The following UNC13C variants were observed in gnomAD, a reference collection of about 807,000 sequenced individuals.
UNC13C encodes protein unc-13 homolog C.
UNC13C carries 174 observed loss-of-function variants against 245.4 expected under a neutral mutation model. That is an observed-to-expected ratio of 0.71 (90% CI 0.63 to 0.80). UNC13C has a LOEUF of 0.80. Ranked by LOEUF, UNC13C falls within the 30% of genes least tolerant of loss-of-function variation. The pLI is 0.00. For missense variants in UNC13C, 2,829 were observed against 2,602.9 expected (o/e 1.09, Z -1.89); for synonymous variants, 992 against 895.1 (o/e 1.11, Z -1.93).
chr15:54,460,262 C>T (rs1891763108), intron 19 of UNC13C, among the ~76,000 whole-genome samples: 1 of 152,196 alleles, frequency 6.6e-6, no homozygotes, highest in Admixed American at 6.5e-5. Flanking sequence ...TGTCTCCCAG[C>T]CATGGATACC....
intron 19 of UNC13C, among the ~76,000 whole-genome samples, chr15:54,452,604 G>C (rs1323454187): frequency 6.6e-6 from 1 of 152,222 alleles, no homozygotes; most frequent in African/African-American, 2.4e-5. Context: ...GAGAAAGCCA[G>C]GTTGGGAAAA....
At chr15:54,011,960 C>G (rs1204671278) in intron 1 of UNC13C, among the ~76,000 whole-genome samples, 2 of 152,140 alleles carry the variant, frequency 1.3e-5, no homozygotes, top group Non-Finnish European at 2.9e-5. Context: ...ACTGGAATAC[C>G]AACAAAGCCT....
chr15:54,602,233 G>A (rs150584094), intron 30 of UNC13C, among the ~76,000 whole-genome samples: 5 of 152,260 alleles, frequency 3.3e-5, no homozygotes, highest in South Asian at 2.1e-4. Flanking sequence ...ACTTTATTTC[G>A]GAAACAATTT....
At chr15:54,125,025 T>C (rs1187408281) in intron 2 of UNC13C, among the ~76,000 whole-genome samples, 1 of 152,158 alleles carries the variant, frequency 6.6e-6, no homozygotes, top group Non-Finnish European at 1.5e-5. Context: ...TACAACACAG[T>C]CTTGGTTGCT....
chr15:54,232,128 T>A (rs2035569692), intron 4 of UNC13C, among the ~76,000 whole-genome samples: 1 of 152,134 alleles, frequency 6.6e-6, no homozygotes, highest in Admixed American at 6.5e-5. Context: ...TTTATATTAT[T>A]ACTTGATGGA....
chr15:54,562,084 A>C (rs1897317506), intron 29 of UNC13C, among the ~76,000 whole-genome samples: 1 of 151,984 alleles, frequency 6.6e-6, no homozygotes, highest in Non-Finnish European at 1.5e-5. Flanking sequence ...AATGGCAGGA[A>C]TGTGGAAATC....
chr15:54,379,759 C>G (rs868190511), intron 17 of UNC13C, among the ~76,000 whole-genome samples: 7 of 152,152 alleles, frequency 4.6e-5, no homozygotes, highest in African/African-American at 1.4e-4. Context: ...ATATTGGCCC[C>G]AATTCCATTC....
chr15:53,917,715 T>C, the UNC13C span, among the ~76,000 whole-genome samples: 2 of 152,200 alleles, frequency 1.3e-5, no homozygotes, highest in African/African-American at 4.8e-5. Flanking sequence ...ATACTTTCCC[T>C]AGAAAGTAAC....
chr15:53,842,122 G>A, the UNC13C span, among the ~76,000 whole-genome samples: 1 of 152,110 alleles, frequency 6.6e-6, no homozygotes, highest in Non-Finnish European at 1.5e-5. Flanking sequence ...CACTAAAAGT[G>A]CAGAATCTCT....
intron 24 of UNC13C, among the ~76,000 whole-genome samples, chr15:54,523,422 A>T (rs1318278113): frequency 6.6e-6 from 1 of 152,210 alleles, no homozygotes; most frequent in African/African-American, 2.4e-5. Flanking sequence ...CATAACAGAG[A>T]CATTCCGTCT....
At chr15:54,598,104 CTTTAT>C (rs1899201597) in intron 30 of UNC13C, among the ~76,000 whole-genome samples, 2 of 152,066 alleles carry the variant, frequency 1.3e-5, no homozygotes, top group African/African-American at 2.4e-5. Context: ...CTCTAAGGTC[CTTTAT>C]TTTGTTTTTG....
the UNC13C span, among the ~76,000 whole-genome samples, chr15:53,937,382 A>G: frequency 3.3e-5 from 5 of 152,224 alleles, no homozygotes; most frequent in African/African-American, 1.2e-4. Context: ...ATATGGGACT[A>G]TGTAAAAAGA....
intron 19 of UNC13C, among the ~76,000 whole-genome samples, chr15:54,476,114 A>C (rs1286217546): frequency 8.8e-6 from 1 of 113,006 alleles, no homozygotes; most frequent in Non-Finnish European, 1.9e-5. Flanking sequence ...TTCTTTTGAG[A>C]AGTGTCTGTT....
At chr15:54,148,752 G>T (rs1377042448) in intron 4 of UNC13C, among the ~76,000 whole-genome samples, 2 of 152,088 alleles carry the variant, frequency 1.3e-5, no homozygotes, top group East Asian at 3.9e-4. Context: ...TTTCTCAAGG[G>T]TCAGAAATTC....
intron 17 of UNC13C, among the ~76,000 whole-genome samples, chr15:54,388,191 C>T (rs1450188551): frequency 6.6e-6 from 1 of 152,116 alleles, no homozygotes; most frequent in Non-Finnish European, 1.5e-5. Flanking sequence ...CCTTCCCTTC[C>T]TTTTTTTCCT....
intron 18 of UNC13C, among the ~76,000 whole-genome samples, chr15:54,406,520 T>A (rs185842292): frequency 2.6e-5 from 4 of 152,336 alleles, no homozygotes; most frequent in African/African-American, 7.2e-5. Context: ...GGGTAGCATG[T>A]CCTAAATCCT....
intron 17 of UNC13C, among the ~76,000 whole-genome samples, chr15:54,389,571 C>T (rs1022461472): frequency 6.6e-6 from 1 of 152,004 alleles, no homozygotes; most frequent in African/African-American, 2.4e-5. Context: ...TTAGTTGAGC[C>T]CTTGTGTGTG....
At chr15:54,352,104 A>T (rs1257024941) in intron 17 of UNC13C, among the ~76,000 whole-genome samples, 1 of 151,688 alleles carries the variant, frequency 6.6e-6, no homozygotes, top group Non-Finnish European at 1.5e-5. Context: ...TTAAATATGA[A>T]ATTTTAAAGC....
chr15:53,939,397 C>A, the UNC13C span, among the ~76,000 whole-genome samples: 60 of 152,260 alleles, frequency 3.9e-4, no homozygotes, highest in Non-Finnish European at 6.9e-4. Context: ...CAGCTGAATT[C>A]TACCAGAGGT....
Sources: allele counts gnomAD v4.1 joint callset (sites outside exome capture counted in the v4.1 genomes callset), GRCh38; gene constraint gnomAD v4.1.1; transcripts MANE v1.5; gene names NCBI Gene and HGNC (gene_info 2026-07-23, HGNC 2026-07-21).